RAI1: variants seen among roughly 807,000 people sequenced by gnomAD.
RAI1 encodes retinoic acid-induced protein 1.
In RAI1, 9 loss-of-function variants were observed where a neutral mutation model predicts 123.8. The ratio of observed to expected loss-of-function variants is 0.07; its 90% CI spans 0.04 to 0.13. The LOEUF (loss-of-function observed/expected upper bound fraction) is 0.13. Ranked by LOEUF, RAI1 falls within the 10% of genes least tolerant of loss-of-function variation. RAI1 has a pLI of 1.00. For synonymous variants in RAI1, 1,231 were observed against 1,127.3 expected, an observed-to-expected ratio of 1.09 and a Z score of -1.84; for missense variants, 2,256 against 2,545.8, an observed-to-expected ratio of 0.89 and a Z score of 2.45.
Position 17,722,651 on chromosome 17 carries a change from G to T in RAI1, c.-148-1377G>T, listed in dbSNP as rs369612073. On this transcript the variant is annotated intron_variant, in intron 1 of 5. Coordinates refer to ENST00000353383, the MANE Select transcript of RAI1 (RefSeq NM_030665.4). Reference sequence around the variant, plus strand: ...CTGGCGGTCCTTGCCGCATGCTTCTGTGCTGCGCCAGAATCATCGAGTCTC... The same window carrying T: ...CTGGCGGTCCTTGCCGCATGCTTCTTTGCTGCGCCAGAATCATCGAGTCTC... 6.6e-5 allele frequency among the ~76,000 whole-genome samples: 10 copies of T among 152,304 alleles called. No homozygotes were observed. In the South Asian group the frequency reaches 1.9e-3, roughly 28 times the overall value.
At position 17,798,355 on chromosome 17, in the gene RAI1, C is replaced by T. The variant is rs778987232; in HGVS notation, c.5407C>T (p.Arg1803Cys). ...GEEAAPADKG[R>C]KHECSKEAPA... ...GGAGGCAGCCCCAGCCGACAAGGGTCGCAAACATGAGTGCAGCAAGGAGGC... is the reference window on the plus strand; with the variant it reads ...GGAGGCAGCCCCAGCCGACAAGGGTTGCAAACATGAGTGCAGCAAGGAGGC... Residue 1803 changes from arginine (R) to cysteine (C), a missense_variant, in exon 3 of 6, where the codon CGC (arginine) becomes TGC (cysteine). By Grantham distance (180) the Arg-to-Cys change is radical. This residue lies in a region of RAI1 where 243 missense variants were observed against 316.6 expected (regional missense o/e 0.77). Coordinates refer to ENST00000353383, the MANE Select transcript of RAI1 (RefSeq NM_030665.4). 3.7e-6 allele frequency: 6 copies of T among 1,606,118 alleles called. No homozygotes were observed. Among genetic ancestry groups the T allele is most frequent in the South Asian group, 1.1e-5 (1 of 90,238 alleles).
At chr17:17,751,110 C>G (rs938488938) in intron 2 of RAI1, among the ~76,000 whole-genome samples, 2 of 152,190 alleles carry the variant, frequency 1.3e-5, no homozygotes, top group African/African-American at 4.8e-5. Flanking sequence ...GCCTTTCTGC[C>G]CCTTAGCAGC....
At chr17:17,769,192 C>G (rs1421868888) in intron 2 of RAI1, among the ~76,000 whole-genome samples, 2 of 152,244 alleles carry the variant, frequency 1.3e-5, no homozygotes, top group African/African-American at 4.8e-5. Context: ...GGCGTGGTCT[C>G]CTCACAGAAG....
intron 2 of RAI1, among the ~76,000 whole-genome samples, chr17:17,755,606 GTCC>G (rs2030407784): frequency 6.6e-6 from 1 of 152,170 alleles, no homozygotes; most frequent in South Asian, 2.1e-4. Context: ...CAAGGAGCAT[GTCC>G]TCCTCCATCA....
chr17:17,773,759 G>A (rs2031245979), intron 2 of RAI1, among the ~76,000 whole-genome samples: 1 of 152,092 alleles, frequency 6.6e-6, no homozygotes, highest in South Asian at 2.1e-4. Context: ...CCTGCCACAG[G>A]CGCCACACTG....
chr17:17,713,912 G>C, intron 1 of RAI1, among the ~76,000 whole-genome samples: 1 of 152,152 alleles, frequency 6.6e-6, no homozygotes. Context: ...GGGAGCAGGA[G>C]CTTGCTCTGG....
intron 2 of RAI1, among the ~76,000 whole-genome samples, chr17:17,788,298 A>G (rs1298970568): frequency 6.6e-6 from 1 of 152,056 alleles, no homozygotes; most frequent in Non-Finnish European, 1.5e-5. Context: ...CCAGAAGCCT[A>G]TGGGCACCCA....
At chr17:17,724,976 A>G (rs1417176056) in intron 2 of RAI1, among the ~76,000 whole-genome samples, 1 of 138,062 alleles carries the variant, frequency 7.2e-6, no homozygotes, top group Non-Finnish European at 1.6e-5. Context: ...CAGGCTGACA[A>G]TGAAATCTCG....
chr17:17,730,262 C>T (rs1014092429), intron 2 of RAI1, among the ~76,000 whole-genome samples: 2 of 152,204 alleles, frequency 1.3e-5, no homozygotes, highest in East Asian at 1.9e-4. Flanking sequence ...TAGTCACTGC[C>T]GAGGTCAGAG....
At chr17:17,724,393 ATTTC>A (rs1458254384) in intron 2 of RAI1, among the ~76,000 whole-genome samples, 2 of 121,958 alleles carry the variant, frequency 1.6e-5, no homozygotes, top group African/African-American at 3.1e-5. Flanking sequence ...AGAAGAAGGA[ATTTC>A]TTTCTTTCCT....
At chr17:17,724,681 G>T (rs1916018312) in intron 2 of RAI1, among the ~76,000 whole-genome samples, 1 of 152,178 alleles carries the variant, frequency 6.6e-6, no homozygotes, top group South Asian at 2.1e-4. Context: ...CCGGGCAACC[G>T]ATGGGAAACT....
chr17:17,753,476 T>C (rs1374527437), intron 2 of RAI1, among the ~76,000 whole-genome samples: 1 of 152,212 alleles, frequency 6.6e-6, no homozygotes, highest in African/African-American at 2.4e-5. Context: ...GGATAGCCTT[T>C]TGGGAGTTGG....
intron 2 of RAI1, among the ~76,000 whole-genome samples, chr17:17,783,733 G>T (rs2031712855): frequency 6.6e-6 from 1 of 151,862 alleles, no homozygotes; most frequent in Non-Finnish European, 1.5e-5. Context: ...TGGCCGGGGC[G>T]CCCGGTGACC....
Position 17,810,101 on chromosome 17 carries a change from CGATCCTTGATCCGGGTCCCG to C in RAI1, c.*125_*144del, listed in dbSNP as rs1418339250. 3 of 1,340,952 alleles carry C rather than the reference CGATCCTTGATCCGGGTCCCG, an allele frequency of 2.2e-6. No individual in the cohort carries two copies. The highest frequency in any genetic ancestry group is 1.5e-5 in the African/African-American group (1 of 66,184). The allele number at this position is 1,340,952 out of a possible 1,614,324, so 83.1% of individuals were successfully genotyped here. A position where few individuals can be genotyped will look rare whatever the true frequency, so the allele number is the denominator to read the frequency against. On this transcript the variant is annotated 3_prime_UTR_variant, in exon 6 of 6. Coordinates refer to ENST00000353383, the MANE Select transcript of RAI1 (RefSeq NM_030665.4). The surrounding 1 kb of genome is among the most constrained non-coding windows in gnomAD (Gnocchi z 4.6). The stretch of plus-strand genomic sequence containing the variant: ...GCTGCTCCCAGCGCTGGTCCAGAGC[CGATCCTTGATCCGGGTCCCG>C]GATCGTGGATCCGGCCGCCTAGGGC...
At chr17:17,729,269 C>T (rs987625653) in intron 2 of RAI1, among the ~76,000 whole-genome samples, 2 of 152,252 alleles carry the variant, frequency 1.3e-5, no homozygotes, top group Admixed American at 6.5e-5. Flanking sequence ...TATCTGTCTG[C>T]TGTAAGCCTT....
At chr17:17,728,937 ACTT>A (rs1465971955) in intron 2 of RAI1, among the ~76,000 whole-genome samples, 3 of 152,076 alleles carry the variant, frequency 2.0e-5, no homozygotes, top group South Asian at 2.1e-4. Flanking sequence ...CATGACAAGA[ACTT>A]CTCCATGGCG....
rs1306346216 is a variant in RAI1, at chr17:17,801,463, A to G, written c.5566-2293A>G. 2.0e-5 allele frequency among the ~76,000 whole-genome samples: 3 copies of G among 152,172 alleles called. No homozygotes were observed. Among genetic ancestry groups the G allele is most frequent in the Non-Finnish European group, 4.4e-5 (3 of 68,028 alleles). The stretch of plus-strand genomic sequence containing the variant: ...CTGAGGGTGGTTGGGGCCTCCGTGC[A>G]GTAAGTGGAGAGAAGCCTTCAGCCA... On this transcript the variant is annotated intron_variant, in intron 3 of 5. Transcript: ENST00000353383. This position sits in a 1 kb window ranked among gnomAD's most constrained non-coding sequence, Gnocchi z 4.1.
At chr17:17,724,784 C>T (rs1343008522) in intron 2 of RAI1, among the ~76,000 whole-genome samples, 2 of 152,168 alleles carry the variant, frequency 1.3e-5, no homozygotes, top group African/African-American at 2.4e-5. Context: ...CGCCCGCCAG[C>T]GCTTAAGGTC....
intron 2 of RAI1, among the ~76,000 whole-genome samples, chr17:17,754,191 CTTTTTTTTTTTTTTTT>C (rs1158475382): frequency 4.0e-5 from 3 of 75,720 alleles, no homozygotes; most frequent in East Asian, 4.1e-4. Context: ...CTAACCCAAT[CTTTTTTTTTTTTTTTT>C]TTTTTTTTTT....
Sources: gnomAD v4.1 joint callset for allele counts (sites outside exome capture counted in the v4.1 genomes callset) on GRCh38, gnomAD v4.1.1 for gene constraint, gnomAD v4.1.1 regional missense constraint, Gnocchi (gnomAD v3.1) non-coding constraint, MANE v1.5 for transcripts, NCBI Gene and HGNC (gene_info 2026-07-23, HGNC 2026-07-21) for gene names.